Variants in RUNX1T1 observed in about 807,000 individuals in gnomAD.
RUNX1T1 encodes the protein protein CBFA2T1.
A neutral mutation model predicts 62.8 loss-of-function variants in RUNX1T1; 4 were observed. That is an observed-to-expected ratio of 0.06 (90% CI 0.03 to 0.15). RUNX1T1 has a LOEUF of 0.15. Among genes scored for constraint, RUNX1T1 ranks in the 10% least tolerant of loss-of-function variants. The pLI, the probability that RUNX1T1 is intolerant of heterozygous loss-of-function variation, is 1.00. For missense variants in RUNX1T1, 508 were observed against 754.3 expected, an observed-to-expected ratio of 0.67 and a Z score of 3.82; for synonymous variants, 291 against 286.0, an observed-to-expected ratio of 1.02 and a Z score of -0.18.
At chr8:91,999,377 C>A (rs1007162585) in intron 5 of RUNX1T1, among the ~76,000 whole-genome samples, 1 of 152,150 alleles carries the variant, frequency 6.6e-6, no homozygotes, top group African/African-American at 2.4e-5. Flanking sequence ...CTAAGAGCCT[C>A]AGTGTTTCTG....
chr8:92,082,499 T>C (rs1587537467), intron 1 of RUNX1T1, among the ~76,000 whole-genome samples: 2 of 152,192 alleles, frequency 1.3e-5, no homozygotes, highest in South Asian at 4.2e-4. Context: ...ATTAAGACAA[T>C]ATGAAAACAT....
chr8:92,038,225 C>A (rs781632176), intron 1 of RUNX1T1, among the ~76,000 whole-genome samples: 1 of 151,936 alleles, frequency 6.6e-6, no homozygotes, highest in Non-Finnish European at 1.5e-5. Flanking sequence ...AATCAAAATT[C>A]TTTTATATCC....
At chr8:92,025,006 C>T (rs534699707) in intron 1 of RUNX1T1, among the ~76,000 whole-genome samples, 3 of 152,232 alleles carry the variant, frequency 2.0e-5, no homozygotes, top group South Asian at 2.1e-4. Context: ...GTAAGCACTC[C>T]GGAAAGGGTG....
At chr8:92,034,956 ATGTTCTCAT>A (rs1827124361) in intron 1 of RUNX1T1, among the ~76,000 whole-genome samples, 1 of 152,000 alleles carries the variant, frequency 6.6e-6, no homozygotes, top group African/African-American at 2.4e-5. Flanking sequence ...CAAATACTGC[ATGTTCTCAT>A]TTATAAGTAG....
rs78434967 is a variant in RUNX1T1, at chr8:92,032,416, T to C, written c.8-15053A>G. Reference sequence around the variant, plus strand: ...AAAAACTGCAGTAAAAAATTAAATATGTAAGTGCATATTTATTTAATCATA... The same window carrying C: ...AAAAACTGCAGTAAAAAATTAAATACGTAAGTGCATATTTATTTAATCATA... On this transcript the variant is annotated intron_variant, in intron 1 of 10. Transcript: ENST00000396218. Among the ~76,000 whole-genome samples the C allele has an allele frequency of 3.5e-3, 529 of 152,212 alleles. 23 individuals are homozygous for C. The East Asian group carries it at 0.09, about 26-fold the overall frequency.
intron 1 of RUNX1T1, among the ~76,000 whole-genome samples, chr8:92,086,250 C>T (rs1319930116): frequency 6.6e-6 from 1 of 152,144 alleles, no homozygotes; most frequent in African/African-American, 2.4e-5. Flanking sequence ...TCCTTCTTAC[C>T]ATGTTAGAAT....
chr8:92,026,486 G>T (rs1825163692), intron 1 of RUNX1T1, among the ~76,000 whole-genome samples: 1 of 152,206 alleles, frequency 6.6e-6, no homozygotes, highest in Non-Finnish European at 1.5e-5. Flanking sequence ...GATATGAACT[G>T]CACTCAGTAA....
chr8:92,045,441 G>C (rs1356612117), intron 1 of RUNX1T1, among the ~76,000 whole-genome samples: 1 of 152,150 alleles, frequency 6.6e-6, no homozygotes, highest in Non-Finnish European at 1.5e-5. Context: ...CTATCAGTGA[G>C]ATTATTCTTT....
At chr8:92,067,543 C>T (rs1833044315), upstream of RUNX1T1, among the ~76,000 whole-genome samples, 1 of 152,126 alleles carries the variant, frequency 6.6e-6, no homozygotes, top group Non-Finnish European at 1.5e-5. Flanking sequence ...ACTGATAAAC[C>T]AAATAGTCTC....
At chr8:91,975,457 C>G (rs1408392395) in intron 9 of RUNX1T1, among the ~76,000 whole-genome samples, 1 of 149,506 alleles carries the variant, frequency 6.7e-6, no homozygotes, top group African/African-American at 2.4e-5. Context: ...AGTACTTTAA[C>G]AAGTCAACTA....
At chr8:91,966,994 G>A (rs1234014070) in intron 10 of RUNX1T1, among the ~76,000 whole-genome samples, 3 of 152,108 alleles carry the variant, frequency 2.0e-5, no homozygotes, top group East Asian at 1.9e-4. Flanking sequence ...CCTGAAAGTC[G>A]GGCTACCTGA....
At chr8:92,076,049 T>C (rs767630112) in exon 2 of RUNX1T1, 3 of 1,610,736 alleles carry the variant, frequency 1.9e-6, no homozygotes, top group Non-Finnish European at 2.5e-6. Context: ...TTGACAGATA[T>C]CATTCTCCAC....
chr8:91,975,288 G>A (rs1317084567), intron 9 of RUNX1T1, among the ~76,000 whole-genome samples: 1 of 152,176 alleles, frequency 6.6e-6, no homozygotes, highest in Non-Finnish European at 1.5e-5. Context: ...ATATAGAGCA[G>A]CATCTTGTAA....
chr8:91,979,532 T>C (rs1476433354), intron 8 of RUNX1T1, among the ~76,000 whole-genome samples: 1 of 151,812 alleles, frequency 6.6e-6, no homozygotes, highest in East Asian at 1.9e-4. Context: ...ATGCAACTAC[T>C]GAAAGATGAA....
downstream of RUNX1T1, chr8:91,956,722 T>G (rs968068291): frequency 4.5e-6 from 1 of 223,806 alleles, no homozygotes; most frequent in East Asian, 6.4e-5. Flanking sequence ...CATTAACTTG[T>G]GGTACATGTC....
At chr8:92,021,773 G>A (rs550196879) in intron 1 of RUNX1T1, among the ~76,000 whole-genome samples, 2 of 151,898 alleles carry the variant, frequency 1.3e-5, no homozygotes, top group African/African-American at 2.4e-5. Flanking sequence ...GCAGGTGTGA[G>A]CTTCATTCTC....
chr8:92,079,685 C>T (rs1834944061), intron 1 of RUNX1T1, among the ~76,000 whole-genome samples: 1 of 152,218 alleles, frequency 6.6e-6, no homozygotes, highest in Non-Finnish European at 1.5e-5. Flanking sequence ...CAGAAACACA[C>T]AGTCCTTATT....
upstream of RUNX1T1, among the ~76,000 whole-genome samples, chr8:92,063,853 T>C (rs1832453114): frequency 6.6e-6 from 1 of 152,152 alleles, no homozygotes; most frequent in African/African-American, 2.4e-5. Flanking sequence ...TACCTTTCCA[T>C]CGTATGCACA....
intron 3 of RUNX1T1, among the ~76,000 whole-genome samples, chr8:92,012,970 T>G (rs962553787): frequency 6.6e-6 from 1 of 152,132 alleles, no homozygotes; most frequent in Non-Finnish European, 1.5e-5. Flanking sequence ...AGTATGCCAC[T>G]TGGGAAAAAT....
Sources: gnomAD v4.1 joint callset for allele counts (sites outside exome capture counted in the v4.1 genomes callset) on GRCh38, gnomAD v4.1.1 for gene constraint, MANE v1.5 for transcripts, NCBI Gene and HGNC (gene_info 2026-07-23, HGNC 2026-07-21) for gene names.